The following LETM1 variants were observed in gnomAD, a reference collection of about 807,000 sequenced individuals.
LETM1 encodes leucine zipper and EF-hand containing transmembrane protein 1, also known as mitochondrial proton/calcium exchanger protein.
Under a neutral mutation model 74.5 loss-of-function variants are expected in LETM1, and 50 were observed. That is an observed-to-expected ratio of 0.67 (90% CI 0.53 to 0.85). The LOEUF is 0.85. Among genes scored for constraint, LETM1 ranks in the 40% least tolerant of loss-of-function variants. The probability of loss-of-function intolerance (pLI) is 0.00; values close to 1 mark genes in which losing one functional copy is unlikely to be tolerated. For synonymous variants in LETM1, 446 were observed against 407.1 expected (o/e 1.10, Z -1.15); for missense variants, 824 against 967.8 (o/e 0.85, Z 1.97).
intron 2 of LETM1, among the ~76,000 whole-genome samples, chr4:1,846,993 A>G (rs1712902628): frequency 6.6e-6 from 1 of 152,210 alleles, no homozygotes; most frequent in Non-Finnish European, 1.5e-5. Flanking sequence ...AATGAAAATA[A>G]TAAACATCTG....
At chr4:1,819,596 C>CT in intron 10 of LETM1, 124 bp from the exon 11 acceptor site, 5 of 1,122,916 alleles carry the variant, frequency 4.5e-6, no homozygotes, top group Non-Finnish European at 6.2e-6. Context: ...ACTGGACAGT[C>CT]ATTGGTAACA....
In LETM1 at chr4:1,825,676, G is replaced by C. The variant is rs1711963218; in HGVS notation, c.1088C>G (p.Ala363Gly). The change falls in exon 7 of 14, where the codon GCT becomes GGT. Residue 363 changes from alanine to glycine, a missense_variant. Ala to Gly is a moderately conservative substitution (Grantham distance 60). Transcript: ENST00000302787. ...ATTCAGGCTGTCCACCCCTTCCTCA[G>C]CAATCAGCTAGAAAACAAAGCAGTG... ...RSIKADDKLI[A>G]EEGVDSLNVK... is the part of the protein sequence containing the mutation. 2 of 1,612,846 alleles carry C rather than the reference G, an allele frequency of 1.2e-6. No homozygotes were observed. The highest frequency in any genetic ancestry group is 1.3e-5 in the African/African-American group (1 of 74,930).
chr4:1,828,103 C>T (rs1194794757), intron 6 of LETM1, among the ~76,000 whole-genome samples: 5 of 126,720 alleles, frequency 3.9e-5, no homozygotes, highest in East Asian at 2.5e-4. Context: ...GGGGCTGACA[C>T]CCCCACCTCC....
At chr4:1,850,807 TA>T (rs200320670) in intron 1 of LETM1, among the ~76,000 whole-genome samples, 1 of 147,048 alleles carries the variant, frequency 6.8e-6, no homozygotes, top group Non-Finnish European at 1.5e-5. Flanking sequence ...TCCACAAAAA[TA>T]AAAAAAAATT....
chr4:1,853,539 T>G (rs956708536), intron 1 of LETM1, among the ~76,000 whole-genome samples: 4 of 152,128 alleles, frequency 2.6e-5, no homozygotes, highest in Admixed American at 2.6e-4. Flanking sequence ...AGCAGCACCC[T>G]ACACTCCACC....
chr4:1,819,284 C>T (rs1463054805), intron 11 of LETM1, 54 bp downstream of exon 11: 1 of 1,550,764 alleles, frequency 6.4e-7, no homozygotes. Flanking sequence ...GGGGCCAGTA[C>T]AGCGATTTTA....
chr4:1,823,143 G>A lies in LETM1; in HGVS notation c.1333-12C>T. 2.5e-6 allele frequency: 4 copies of A among 1,576,844 alleles called. No individual in the cohort carries two copies. Among genetic ancestry groups the A allele is most frequent in the Non-Finnish European group, 3.5e-6 (4 of 1,157,462 alleles). Reference sequence around the variant, plus strand: ...TGTGCTTCCTTTGCCTTCAGAAGAGGGTACATCTGTGGGTGAGCCCAGAAG... The same window carrying A: ...TGTGCTTCCTTTGCCTTCAGAAGAGAGTACATCTGTGGGTGAGCCCAGAAG... On this transcript the variant is annotated splice_polypyrimidine_tract_variant and intron_variant, in intron 8 of 13. Coordinates refer to ENST00000302787, the MANE Select transcript of LETM1 (RefSeq NM_012318.3).
intron 10 of LETM1, among the ~76,000 whole-genome samples, chr4:1,819,720 T>G (rs1461477369): frequency 6.6e-6 from 1 of 152,204 alleles, no homozygotes; most frequent in South Asian, 2.1e-4. Context: ...AATTGACACG[T>G]GTACTGTGAA....
At chr4:1,838,394 G>T (rs560433706) in intron 3 of LETM1, among the ~76,000 whole-genome samples, 1 of 151,484 alleles carries the variant, frequency 6.6e-6, no homozygotes, top group South Asian at 2.1e-4. Flanking sequence ...CACTGCGCCC[G>T]GCCAGGATTA....
intron 6 of LETM1, among the ~76,000 whole-genome samples, chr4:1,828,468 T>C (rs1195410367): frequency 1.6e-3 from 75 of 46,402 alleles, no homozygotes; most frequent in Admixed American, 3.7e-3. Flanking sequence ...GAGGCGCCCC[T>C]CACCTCCCGG....
chr4:1,850,636 C>A (rs1713036848), intron 1 of LETM1, among the ~76,000 whole-genome samples: 1 of 132,540 alleles, frequency 7.5e-6, no homozygotes, highest in Non-Finnish European at 1.6e-5. Flanking sequence ...GAGCAAGACT[C>A]TGTCTCAGAA....
At chr4:1,846,379 G>A (rs1208699532) in intron 2 of LETM1, 1 of 152,068 alleles carries the variant, frequency 6.6e-6, no homozygotes, top group Non-Finnish European at 1.5e-5. Flanking sequence ...CAATTCTCCT[G>A]CCTCAGCCTC....
At chr4:1,849,316 G>A in intron 1 of LETM1, 107 bp from the exon 2 acceptor site, 1 of 746,058 alleles carries the variant, frequency 1.3e-6, no homozygotes, top group Middle Eastern at 3.5e-4. Flanking sequence ...CCAGGCTAGA[G>A]TGCAATGGCG....
At chr4:1,827,161 T>A (rs1171180808) in intron 6 of LETM1, among the ~76,000 whole-genome samples, 6 of 152,198 alleles carry the variant, frequency 3.9e-5, no homozygotes, top group African/African-American at 1.4e-4. Flanking sequence ...CCTCAGCCCT[T>A]CCTTTAGGGG....
chr4:1,819,548 C>G, intron 10 of LETM1, 76 bp from the exon 11 acceptor site: 1 of 1,508,928 alleles, frequency 6.6e-7, no homozygotes, highest in South Asian at 1.3e-5. Context: ...ACCAGCTGCT[C>G]TGTTCATATT....
chr4:1,850,776 C>T (rs957974805), intron 1 of LETM1, among the ~76,000 whole-genome samples: 1 of 151,612 alleles, frequency 6.6e-6, no homozygotes, highest in Non-Finnish European at 1.5e-5. Context: ...ACCAGCCTGG[C>T]CCACATGGTG....
chr4:1,855,998 C>G lies in LETM1; in HGVS notation c.-48G>C, dbSNP rs1560515341. ...CCGGCCTCCTGCGCTGCCTCCTTCTCCGCGGCGGCCGCGGCTCTTCGCCGT... is the reference window on the plus strand; with the variant it reads ...CCGGCCTCCTGCGCTGCCTCCTTCTGCGCGGCGGCCGCGGCTCTTCGCCGT... On this transcript the variant is annotated 5_prime_UTR_variant, in exon 1 of 14. Coordinates refer to ENST00000302787, the MANE Select transcript of LETM1 (RefSeq NM_012318.3). 1 of 1,107,264 alleles carries G rather than the reference C, an allele frequency of 9.0e-7. No individual in the cohort carries two copies. The highest frequency in any genetic ancestry group is 3.6e-5 in the East Asian group (1 of 27,980). The allele number at this position is 1,107,264 out of a possible 1,614,324, so 68.6% of individuals were successfully genotyped here.
intron 8 of LETM1, 120 bp from the exon 9 acceptor site, chr4:1,823,251 A>G (rs2108838895): frequency 7.6e-7 from 1 of 1,309,722 alleles, no homozygotes; most frequent in East Asian, 2.4e-5. Context: ...TCACACACAC[A>G]GGACAGAAGG....
chr4:1,855,665 A>G (rs1214827699), intron 1 of LETM1, among the ~76,000 whole-genome samples: 2 of 152,170 alleles, frequency 1.3e-5, no homozygotes, highest in Admixed American at 6.5e-5. Flanking sequence ...GTCACAACAC[A>G]CGGCAGAGGC....
Sources: allele counts gnomAD v4.1 joint callset (sites outside exome capture counted in the v4.1 genomes callset), GRCh38; gene constraint gnomAD v4.1.1; transcripts MANE v1.5; gene names NCBI Gene and HGNC (gene_info 2026-07-23, HGNC 2026-07-21).